The following ILRUN variants were observed in gnomAD, a reference collection of about 807,000 sequenced individuals.
The protein encoded by ILRUN is protein ILRUN.
ILRUN carries 3 observed loss-of-function variants against 33.8 expected under a neutral mutation model. That is an observed-to-expected ratio of 0.09 (90% CI 0.04 to 0.23). The LOEUF is 0.23. Ranked by LOEUF, ILRUN falls within the 10% of genes least tolerant of loss-of-function variation. The pLI, the probability that ILRUN is intolerant of heterozygous loss-of-function variation, is 1.00. For synonymous variants in ILRUN, 124 were observed against 138.9 expected (o/e 0.89, Z 0.75); for missense variants, 210 against 375.1 (o/e 0.56, Z 3.64).
At position 34,588,161 on chromosome 6, in the gene ILRUN, T is replaced by C. The variant is rs1761231141; in HGVS notation, c.*2404A>G. On this transcript the variant is annotated 3_prime_UTR_variant, in exon 5 of 5. Coordinates refer to ENST00000374023, the MANE Select transcript of ILRUN (RefSeq NM_024294.4). ...TCTGCCTGCACTCCATGACTTGCAC[T>C]TACTCTGGCCCTCTGCAAGGAGCTC... 2.5e-6 allele frequency: 1 copy of C among 398,858 alleles called. No homozygotes were observed. The highest frequency in any genetic ancestry group is 4.4e-6 in the Non-Finnish European group (1 of 226,216). The allele number at this position is 398,858 out of a possible 1,614,324, so 24.7% of individuals were successfully genotyped here.
At chr6:34,636,036 T>G (rs1762361237) in intron 3 of ILRUN, among the ~76,000 whole-genome samples, 1 of 152,108 alleles carries the variant, frequency 6.6e-6, no homozygotes, top group Non-Finnish European at 1.5e-5. Flanking sequence ...GAGGAAGAAT[T>G]GCTTGAGGCC....
intron 3 of ILRUN, among the ~76,000 whole-genome samples, chr6:34,626,226 C>T (rs1366011129): frequency 1.3e-5 from 2 of 152,108 alleles, no homozygotes; most frequent in Non-Finnish European, 2.9e-5. Flanking sequence ...GGCTGGAGTG[C>T]AATGGTGCTA....
chr6:34,598,284 T>A (rs1409642121), intron 4 of ILRUN, among the ~76,000 whole-genome samples: 1 of 152,208 alleles, frequency 6.6e-6, no homozygotes, highest in East Asian at 1.9e-4. Context: ...ATCCCAGCTC[T>A]AAGGAAGCTC....
chr6:34,631,331 CTTT>C (rs1230393478), intron 3 of ILRUN, among the ~76,000 whole-genome samples: 2 of 142,650 alleles, frequency 1.4e-5, no homozygotes, highest in Non-Finnish European at 1.5e-5. Flanking sequence ...CCATTCCCCT[CTTT>C]TTTTTTTTTT....
At chr6:34,640,379 A>G (rs188883321) in intron 3 of ILRUN, among the ~76,000 whole-genome samples, 35 of 152,250 alleles carry the variant, frequency 2.3e-4, no homozygotes, top group African/African-American at 8.4e-4. Flanking sequence ...TCTTTCTAAG[A>G]GGAAACGTGA....
chr6:34,614,278 C>A (rs757615248), intron 3 of ILRUN, among the ~76,000 whole-genome samples: 1 of 151,232 alleles, frequency 6.6e-6, no homozygotes, highest in Non-Finnish European at 1.5e-5. Context: ...AAAAATTAGC[C>A]GGGCATGGTG....
At chr6:34,596,721 T>C (rs1761407718) in intron 4 of ILRUN, among the ~76,000 whole-genome samples, 1 of 152,132 alleles carries the variant, frequency 6.6e-6, no homozygotes, top group Non-Finnish European at 1.5e-5. Context: ...AAAACCCTAC[T>C]TCTACACTCA....
At chr6:34,687,509 A>T (rs952862108) in intron 1 of ILRUN, among the ~76,000 whole-genome samples, 1 of 151,710 alleles carries the variant, frequency 6.6e-6, no homozygotes, top group Non-Finnish European at 1.5e-5. Context: ...AGCCTGGCCA[A>T]TAAGGTGAAA....
chr6:34,648,827 G>T (rs1762607282), intron 2 of ILRUN, among the ~76,000 whole-genome samples: 1 of 152,016 alleles, frequency 6.6e-6, no homozygotes. Flanking sequence ...ACAAGATAAT[G>T]TCTGTTTATA....
intron 3 of ILRUN, 49 bp from the exon 4 acceptor site, chr6:34,606,953 C>A: frequency 7.2e-7 from 1 of 1,395,866 alleles, no homozygotes; most frequent in East Asian, 2.3e-5. Context: ...CCCTTAAAGG[C>A]CCAAGATAGC....
intron 4 of ILRUN, among the ~76,000 whole-genome samples, chr6:34,598,033 C>G (rs1248877661): frequency 6.6e-6 from 1 of 152,196 alleles, no homozygotes; most frequent in Non-Finnish European, 1.5e-5. Context: ...TTTACTGGCT[C>G]TTATTCTTTC....
chr6:34,683,561 A>C (rs1211994963), intron 1 of ILRUN, among the ~76,000 whole-genome samples: 3 of 146,786 alleles, frequency 2.0e-5, no homozygotes, highest in African/African-American at 7.6e-5. Flanking sequence ...GCAATGGGGC[A>C]ATCTCAGCTC....
intron 1 of ILRUN, among the ~76,000 whole-genome samples, chr6:34,693,843 C>T (rs1350174365): frequency 2.0e-5 from 3 of 151,004 alleles, no homozygotes; most frequent in Non-Finnish European, 4.4e-5. Context: ...TTTTTTGAGA[C>T]AGCATCTCAC....
rs1424501416 is a variant in ILRUN, at chr6:34,646,485, G to C, written c.511+116C>G. 2.2e-6 allele frequency: 2 copies of C among 894,492 alleles called. No homozygotes were observed. Among genetic ancestry groups the C allele is most frequent in the African/African-American group, 3.3e-5 (2 of 60,216 alleles). The allele number at this position is 894,492 out of a possible 1,614,324, so 55.4% of individuals were successfully genotyped here. Reference sequence around the variant, plus strand: ...AATCATTTACCTGCATGAGGTGACTGTTAAAAAGAGGCCATGCCCTGTTAT... The same window carrying C: ...AATCATTTACCTGCATGAGGTGACTCTTAAAAAGAGGCCATGCCCTGTTAT... On this transcript the variant is annotated intron_variant, in intron 3 of 4. Coordinates refer to ENST00000374023, the MANE Select transcript of ILRUN (RefSeq NM_024294.4). The surrounding 1 kb of genome is among the most constrained non-coding windows in gnomAD (Gnocchi z 4.9).
chr6:34,608,545 A>G (rs1007018364), intron 3 of ILRUN, among the ~76,000 whole-genome samples: 3 of 152,216 alleles, frequency 2.0e-5, no homozygotes. Context: ...ACATTACTAA[A>G]TACTATGTAG....
chr6:34,653,459 G>A (rs1474791160), intron 2 of ILRUN, among the ~76,000 whole-genome samples: 2 of 152,072 alleles, frequency 1.3e-5, no homozygotes, highest in African/African-American at 4.8e-5. Flanking sequence ...CTCCTCATCT[G>A]AAGTGATCCT....
At chr6:34,654,580 G>T in intron 2 of ILRUN, 45 bp downstream of exon 2, 2 of 1,552,474 alleles carry the variant, frequency 1.3e-6, no homozygotes, top group East Asian at 2.3e-5. Flanking sequence ...TAACTATTAA[G>T]AAAATGAAAA....
chr6:34,616,565 C>T (rs754849181), intron 3 of ILRUN: 10 of 1,492,174 alleles, frequency 6.7e-6, no homozygotes, highest in Non-Finnish European at 9.2e-6. Context: ...GAAGAAGGTT[C>T]CTGCTGTGCC....
intron 1 of ILRUN, among the ~76,000 whole-genome samples, chr6:34,684,264 T>C (rs1190496306): frequency 1.3e-5 from 2 of 152,242 alleles, no homozygotes; most frequent in African/African-American, 4.8e-5. Context: ...GTTACCCATC[T>C]GGCACCTAAA....
Sources: gnomAD v4.1 joint callset for allele counts (sites outside exome capture counted in the v4.1 genomes callset) on GRCh38, gnomAD v4.1.1 for gene constraint, Gnocchi (gnomAD v3.1) non-coding constraint, MANE v1.5 for transcripts, NCBI Gene and HGNC (gene_info 2026-07-23, HGNC 2026-07-21) for gene names.